GRIP1: variants seen among roughly 807,000 people sequenced by gnomAD.
GRIP1 encodes glutamate receptor-interacting protein 1.
Under a neutral mutation model 129.9 loss-of-function variants are expected in GRIP1, and 45 were observed. The ratio of observed to expected loss-of-function variants is 0.35; its 90% CI spans 0.27 to 0.44. The LOEUF (loss-of-function observed/expected upper bound fraction) is 0.44. GRIP1 is among the 20% of genes least tolerant of loss of function. The probability of loss-of-function intolerance (pLI) is 1.00; values close to 1 mark genes in which losing one functional copy is unlikely to be tolerated. For missense variants in GRIP1, 1,196 were observed against 1,396.8 expected (o/e 0.86, Z 2.29); for synonymous variants, 530 against 520.8 (o/e 1.02, Z -0.24).
chr12:67,032,549 G>C (rs537154077), intron 1 of GRIP1, among the ~76,000 whole-genome samples: 1 of 152,236 alleles, frequency 6.6e-6, no homozygotes, highest in Admixed American at 6.5e-5. Flanking sequence ...CTCAACCTCA[G>C]CACTACTGAC....
intron 1 of GRIP1, among the ~76,000 whole-genome samples, chr12:67,018,132 G>A (rs1282729776): frequency 6.6e-6 from 1 of 152,090 alleles, no homozygotes; most frequent in Non-Finnish European, 1.5e-5. Context: ...CTGTATCTCA[G>A]GGCTGGCCTT....
intron 1 of GRIP1, among the ~76,000 whole-genome samples, chr12:67,048,984 C>T (rs1196405526): frequency 6.6e-6 from 1 of 151,956 alleles, no homozygotes; most frequent in East Asian, 1.9e-4. Flanking sequence ...ACTCCCACAC[C>T]TGGCTAATTT....
At chr12:66,964,229 CT>C (rs1333018262) in intron 1 of GRIP1, among the ~76,000 whole-genome samples, 2 of 152,128 alleles carry the variant, frequency 1.3e-5, no homozygotes, top group African/African-American at 4.8e-5. Flanking sequence ...TGAATACCTT[CT>C]GTGTGCCAGG....
At chr12:67,059,994 G>A (rs967238974) in intron 1 of GRIP1, among the ~76,000 whole-genome samples, 9 of 152,210 alleles carry the variant, frequency 5.9e-5, no homozygotes, top group Admixed American at 1.3e-4. Flanking sequence ...AACTTAGGTA[G>A]TGAGTTTCAC....
chr12:66,640,624 T>C (rs2031834347), intron 1 of GRIP1, among the ~76,000 whole-genome samples: 1 of 152,212 alleles, frequency 6.6e-6, no homozygotes, highest in Non-Finnish European at 1.5e-5. Flanking sequence ...GATTTTTCAT[T>C]CTTGAGAAAG....
chr12:66,492,853 T>C (rs1309212166), intron 7 of GRIP1, among the ~76,000 whole-genome samples: 1 of 151,952 alleles, frequency 6.6e-6, no homozygotes, highest in Non-Finnish European at 1.5e-5. Context: ...CTACTAAAAA[T>C]ACAAAAATTA....
At chr12:66,739,754 A>T (rs532700173) in intron 1 of GRIP1, among the ~76,000 whole-genome samples, 2 of 151,972 alleles carry the variant, frequency 1.3e-5, no homozygotes, top group Non-Finnish European at 2.9e-5. Context: ...AAAATAAAAA[A>T]AAAAAAACCA....
At chr12:66,589,796 G>T (rs2063786471) in intron 2 of GRIP1, among the ~76,000 whole-genome samples, 1 of 152,124 alleles carries the variant, frequency 6.6e-6, no homozygotes. Context: ...TTGGGAAGCT[G>T]TTCTGAGTCA....
intron 2 of GRIP1, among the ~76,000 whole-genome samples, chr12:66,590,942 G>T (rs2063829584): frequency 1.3e-5 from 2 of 152,100 alleles, no homozygotes; most frequent in African/African-American, 4.8e-5. Context: ...CAGTCTTAGG[G>T]CCACAGATTC....
intron 1 of GRIP1, among the ~76,000 whole-genome samples, chr12:66,906,308 C>T (rs1052341009): frequency 6.6e-6 from 1 of 152,100 alleles, no homozygotes; most frequent in Middle Eastern, 3.4e-3. Flanking sequence ...GGTGGACACA[C>T]TTGTAGTCCC....
At chr12:67,053,404 T>C (rs889881084) in intron 1 of GRIP1, among the ~76,000 whole-genome samples, 8 of 152,228 alleles carry the variant, frequency 5.3e-5, no homozygotes, top group Non-Finnish European at 8.8e-5. Flanking sequence ...CTACACCATG[T>C]CTTGACCCAT....
chr12:67,032,206 T>C (rs2043032997), intron 1 of GRIP1, among the ~76,000 whole-genome samples: 1 of 152,230 alleles, frequency 6.6e-6, no homozygotes, highest in Non-Finnish European at 1.5e-5. Context: ...ATCATAGTTA[T>C]TTATTTTTCT....
At chr12:66,614,774 T>C (rs1399714214) in intron 1 of GRIP1, among the ~76,000 whole-genome samples, 1 of 152,162 alleles carries the variant, frequency 6.6e-6, no homozygotes, top group African/African-American at 2.4e-5. Context: ...CCTTGTCTTG[T>C]ATCTTTCTCC....
intron 7 of GRIP1, among the ~76,000 whole-genome samples, chr12:66,501,922 T>C (rs565285364): frequency 6.6e-6 from 1 of 152,324 alleles, no homozygotes; most frequent in Non-Finnish European, 1.5e-5. Flanking sequence ...GAAGTAATCT[T>C]TGAAAAATTT....
rs940708623 is a variant in GRIP1, at chr12:66,394,483, G to C, written c.1985-131C>G. On this transcript the variant is annotated intron_variant, in intron 16 of 24. Transcript: ENST00000359742. Reference sequence around the variant, plus strand: ...TCATGTCACAGAAAATAATTATTTTGGGAAGTAGCATTTCCTTAGTAGGAT... The same window carrying C: ...TCATGTCACAGAAAATAATTATTTTCGGAAGTAGCATTTCCTTAGTAGGAT... 1.5e-5 allele frequency: 12 copies of C among 800,156 alleles called. No homozygotes were observed. The African/African-American group carries it at 1.7e-4, about 11-fold the overall frequency. 49.6% of individuals were successfully genotyped at this position (800,156 alleles called of 1,614,324 possible).
At chr12:66,726,358 C>A (rs2036253728) in intron 1 of GRIP1, among the ~76,000 whole-genome samples, 1 of 152,112 alleles carries the variant, frequency 6.6e-6, no homozygotes, top group Non-Finnish European at 1.5e-5. Context: ...GTAAAATTAT[C>A]ACTCTATGAG....
chr12:66,444,302 A>G (rs991226627), intron 13 of GRIP1, among the ~76,000 whole-genome samples: 2 of 151,216 alleles, frequency 1.3e-5, no homozygotes, highest in African/African-American at 2.4e-5. Context: ...CTGGCTAACA[A>G]GGTGAAACCC....
chr12:66,999,181 T>A (rs1015482628), intron 1 of GRIP1, among the ~76,000 whole-genome samples: 4 of 152,030 alleles, frequency 2.6e-5, no homozygotes. Context: ...CAAACAATAA[T>A]AAAAAATAAT....
chr12:66,808,040 C>A (rs2039030405), upstream of GRIP1, among the ~76,000 whole-genome samples: 1 of 151,408 alleles, frequency 6.6e-6, no homozygotes, highest in Non-Finnish European at 1.5e-5. Context: ...TATAATACAA[C>A]CAAGAACTGA....
Sources: allele counts gnomAD v4.1 joint callset (sites outside exome capture counted in the v4.1 genomes callset), GRCh38; gene constraint gnomAD v4.1.1; transcripts MANE v1.5; gene names NCBI Gene and HGNC (gene_info 2026-07-23, HGNC 2026-07-21).